Variants in SYT1 observed in about 807,000 individuals in gnomAD.
SYT1 encodes the protein synaptotagmin 1.
In SYT1, 8 loss-of-function variants were observed where a neutral mutation model predicts 44.8. The ratio of observed to expected loss-of-function variants is 0.18; its 90% CI spans 0.10 to 0.32. The LOEUF (loss-of-function observed/expected upper bound fraction) is 0.32. Ranked by LOEUF, SYT1 falls within the 10% of genes least tolerant of loss-of-function variation. The pLI, the probability that SYT1 is intolerant of heterozygous loss-of-function variation, is 1.00. For synonymous variants in SYT1, 154 were observed against 188.8 expected (o/e 0.82, Z 1.51); for missense variants, 286 against 509.3 (o/e 0.56, Z 4.22).
At chr12:79,326,580 G>A (rs1461958001) in intron 8 of SYT1, among the ~76,000 whole-genome samples, 1 of 152,220 alleles carries the variant, frequency 6.6e-6, no homozygotes, top group Non-Finnish European at 1.5e-5. Flanking sequence ...AAATAGAGAT[G>A]TTTGACATCC....
intron 8 of SYT1, among the ~76,000 whole-genome samples, chr12:79,315,616 C>G (rs1210575078): frequency 6.6e-6 from 1 of 152,056 alleles, no homozygotes; most frequent in African/African-American, 2.4e-5. Flanking sequence ...CTGGAAATGT[C>G]TTTCCTGGGG....
At chr12:78,915,415 G>A (rs1355516995) in intron 1 of SYT1, among the ~76,000 whole-genome samples, 1 of 151,994 alleles carries the variant, frequency 6.6e-6, no homozygotes, top group African/African-American at 2.4e-5. Context: ...CTCTGGCCTC[G>A]CTGATAGACT....
At chr12:79,234,708 CTTTCTTT>C (rs1565867808) in intron 4 of SYT1, among the ~76,000 whole-genome samples, 3 of 102,926 alleles carry the variant, frequency 2.9e-5, no homozygotes, top group Non-Finnish European at 4.0e-5. Flanking sequence ...TTCTTTCTTT[CTTTCTTT>C]TTTTTTTTTT....
chr12:79,367,821 C>T (rs1277857881), intron 9 of SYT1, among the ~76,000 whole-genome samples: 1 of 151,566 alleles, frequency 6.6e-6, no homozygotes, highest in African/African-American at 2.4e-5. Flanking sequence ...TCAGTTAAAA[C>T]ATATACTAAG....
chr12:79,400,674 A>G (rs1038898177), intron 9 of SYT1, among the ~76,000 whole-genome samples: 4 of 152,240 alleles, frequency 2.6e-5, no homozygotes, highest in South Asian at 2.1e-4. Flanking sequence ...CCGGCAGAAC[A>G]TAACAAATGA....
At chr12:78,977,567 G>A (rs998851918) in intron 1 of SYT1, 1 of 152,206 alleles carries the variant, frequency 6.6e-6, no homozygotes, top group Admixed American at 6.5e-5. Flanking sequence ...CTTTTGAAAT[G>A]TTTGTTCTTC....
chr12:79,170,888 C>T (rs1871478023), intron 3 of SYT1, among the ~76,000 whole-genome samples: 1 of 151,828 alleles, frequency 6.6e-6, no homozygotes, highest in South Asian at 2.1e-4. Flanking sequence ...TGGCAGGGGT[C>T]CAGCTTCAAT....
chr12:78,890,248 G>C (rs1020235291), intron 1 of SYT1, among the ~76,000 whole-genome samples: 3 of 151,832 alleles, frequency 2.0e-5, no homozygotes, highest in Non-Finnish European at 2.9e-5. Context: ...TAAATTGATA[G>C]TGTTGTCTCT....
At chr12:79,060,227 C>A (rs1456916598) in intron 3 of SYT1, among the ~76,000 whole-genome samples, 3 of 152,022 alleles carry the variant, frequency 2.0e-5, no homozygotes, top group African/African-American at 7.2e-5. Context: ...GAAAAGTTAT[C>A]CACGTCCCCA....
rs80233028 is a variant in SYT1, at chr12:79,423,765, A to C, written c.929-20308A>C. 3.9e-4 allele frequency among the ~76,000 whole-genome samples: 59 copies of C among 151,998 alleles called. 1 individual carries two copies. In the East Asian group the frequency reaches 0.011, roughly 28 times the overall value. On this transcript the variant is annotated intron_variant, in intron 9 of 10. Coordinates refer to ENST00000261205, the MANE Select transcript of SYT1 (RefSeq NM_005639.3). ...GGTCGAGATGTTATTGCACAATCCCACAGAAATCTAGTCCCTCTCCTAAAT... is the reference window on the plus strand; with the variant it reads ...GGTCGAGATGTTATTGCACAATCCCCCAGAAATCTAGTCCCTCTCCTAAAT...
At chr12:79,179,979 G>T (rs1474768559) in intron 3 of SYT1, among the ~76,000 whole-genome samples, 1 of 151,862 alleles carries the variant, frequency 6.6e-6, no homozygotes, top group Non-Finnish European at 1.5e-5. Context: ...CCTATAATTT[G>T]ATATTTGGGA....
rs1876849191 is a variant in SYT1, at chr12:78,919,318, G to A, written c.-217+54209G>A. On this transcript the variant is annotated intron_variant, in intron 1 of 10. Transcript: ENST00000261205. ...TTAAAGAACTCCTAGAATCTGCTGG[G>A]TGGCTAGATCCAAGCTTCTGAAGGA... 2.0e-5 allele frequency among the ~76,000 whole-genome samples: 3 copies of A among 152,030 alleles called. No individual in the cohort carries two copies. The South Asian group carries it at 6.2e-4, about 31-fold the overall frequency.
intron 9 of SYT1, among the ~76,000 whole-genome samples, chr12:79,368,453 G>A (rs1292474358): frequency 2.0e-5 from 3 of 151,342 alleles, no homozygotes; most frequent in Admixed American, 6.6e-5. Flanking sequence ...TCTAGTTCTA[G>A]ATCCCTGAGG....
intron 3 of SYT1, among the ~76,000 whole-genome samples, chr12:79,125,007 C>G (rs1372402990): frequency 6.6e-6 from 1 of 151,720 alleles, no homozygotes; most frequent in African/African-American, 2.4e-5. Flanking sequence ...CCATTCTCTG[C>G]TCTTGTGGGT....
chr12:79,230,933 A>G lies in SYT1; in HGVS notation c.166+13248A>G, dbSNP rs564450151. On this transcript the variant is annotated intron_variant, in intron 4 of 10. Transcript: ENST00000261205. ...TACTTTGCTGAAACACCATACGAAT[A>G]TACTTTAAAATAGCTTTAACATCTA... Among the ~76,000 whole-genome samples the G allele has an allele frequency of 9.8e-5, 15 of 152,330 alleles. No homozygotes were observed. In the South Asian group the frequency reaches 2.5e-3, roughly 25 times the overall value.
At chr12:78,990,790 G>T (rs1869962984) in intron 2 of SYT1, among the ~76,000 whole-genome samples, 1 of 152,162 alleles carries the variant, frequency 6.6e-6, no homozygotes, top group African/African-American at 2.4e-5. Context: ...ACAGCCACAT[G>T]TGCCGGTTAT....
chr12:79,286,616 T>C (rs1879327359), intron 5 of SYT1, among the ~76,000 whole-genome samples: 1 of 152,164 alleles, frequency 6.6e-6, no homozygotes, highest in Non-Finnish European at 1.5e-5. Context: ...ACCATAACAC[T>C]GGTTATAAAA....
At chr12:78,887,005 C>T (rs2137066553) in intron 1 of SYT1, among the ~76,000 whole-genome samples, 1 of 152,062 alleles carries the variant, frequency 6.6e-6, no homozygotes. Context: ...ATAATGGTAT[C>T]CCATGATACT....
rs1321318800 is a variant in SYT1 at position 78,959,183 on chromosome 12, G to GA, written c.-216-18613dup. On this transcript the variant is annotated intron_variant, in intron 1 of 10. Coordinates refer to ENST00000261205, the MANE Select transcript of SYT1 (RefSeq NM_005639.3). Reference sequence around the variant, plus strand: ...CTGCTTACCTCACAGTTATTGTTATGAAATAAAAGACTAAAACCTTAAAAA... The same window carrying GA: ...CTGCTTACCTCACAGTTATTGTTATGAAAATAAAAGACTAAAACCTTAAAAA... Among the ~76,000 whole-genome samples the GA allele has an allele frequency of 3.9e-5, 6 of 152,114 alleles. No individual in the cohort carries two copies. The South Asian group carries it at 1.0e-3, about 26-fold the overall frequency.
Sources: allele counts gnomAD v4.1 joint callset (sites outside exome capture counted in the v4.1 genomes callset), GRCh38; gene constraint gnomAD v4.1.1; transcripts MANE v1.5; gene names NCBI Gene and HGNC (gene_info 2026-07-23, HGNC 2026-07-21).